ADAMTS3: variants seen among roughly 807,000 people sequenced by gnomAD.
The protein encoded by ADAMTS3 is A disintegrin and metalloproteinase with thrombospondin motifs 3.
A neutral mutation model predicts 129.0 loss-of-function variants in ADAMTS3; 73 were observed. That is an observed-to-expected ratio of 0.57 (90% CI 0.47 to 0.69). The LOEUF is 0.69. Among genes scored for constraint, ADAMTS3 ranks in the 30% least tolerant of loss-of-function variants. ADAMTS3 has a pLI of 0.00. For missense variants in ADAMTS3, 1,457 were observed against 1,514.5 expected, an observed-to-expected ratio of 0.96 and a Z score of 0.63; for synonymous variants, 477 against 510.8, an observed-to-expected ratio of 0.93 and a Z score of 0.89.
At chr4:72,383,017 A>T (rs886093639) in intron 4 of ADAMTS3, among the ~76,000 whole-genome samples, 3 of 152,154 alleles carry the variant, frequency 2.0e-5, no homozygotes, top group Non-Finnish European at 4.4e-5. Context: ...GCACCCCCTG[A>T]ATTTATAATA....
intron 3 of ADAMTS3, 36 bp downstream of exon 3, chr4:72,548,442 C>T (rs1205891194): frequency 1.3e-6 from 2 of 1,594,308 alleles, no homozygotes; most frequent in East Asian, 2.2e-5. Context: ...ACTCCCAGCA[C>T]CTGCAAACAT....
intron 3 of ADAMTS3, among the ~76,000 whole-genome samples, chr4:72,487,122 G>A: frequency 6.6e-6 from 1 of 152,074 alleles, no homozygotes; most frequent in Non-Finnish European, 1.5e-5. Context: ...GCCAAAGGTT[G>A]TTGTAGAAGA....
intron 4 of ADAMTS3, among the ~76,000 whole-genome samples, chr4:72,391,265 A>T (rs1477183456): frequency 6.6e-6 from 1 of 152,210 alleles, no homozygotes; most frequent in African/African-American, 2.4e-5. Context: ...TAAAATACTA[A>T]ACATATTTAC....
At chr4:72,468,698 C>G (rs1044909086) in intron 3 of ADAMTS3, among the ~76,000 whole-genome samples, 1 of 151,564 alleles carries the variant, frequency 6.6e-6, no homozygotes, top group African/African-American at 2.4e-5. Flanking sequence ...AACATTGCAT[C>G]AAACACATCA....
intron 3 of ADAMTS3, among the ~76,000 whole-genome samples, chr4:72,480,401 T>A (rs1207931760): frequency 6.6e-6 from 1 of 152,126 alleles, no homozygotes; most frequent in Non-Finnish European, 1.5e-5. Flanking sequence ...TGTAGGGACA[T>A]GGATGAAATT....
intron 3 of ADAMTS3, among the ~76,000 whole-genome samples, chr4:72,435,600 T>C (rs891339701): frequency 4.0e-5 from 6 of 151,852 alleles, no homozygotes; most frequent in Non-Finnish European, 8.8e-5. Context: ...AATCCTTTAA[T>C]TGACTGTCGA....
intron 4 of ADAMTS3, among the ~76,000 whole-genome samples, chr4:72,394,733 A>G (rs1210136935): frequency 1.3e-5 from 2 of 152,224 alleles, no homozygotes; most frequent in Non-Finnish European, 2.9e-5. Flanking sequence ...AAACTGAACT[A>G]GTAAATACCA....
At chr4:72,284,444 CAAAA>C (rs11292771) in intron 21 of ADAMTS3, among the ~76,000 whole-genome samples, 2 of 123,538 alleles carry the variant, frequency 1.6e-5, no homozygotes, top group Non-Finnish European at 1.7e-5. Flanking sequence ...GACTCTGTCT[CAAAA>C]AAAAAAAAAA....
chr4:72,533,627 A>C (rs1721104226), intron 3 of ADAMTS3, among the ~76,000 whole-genome samples: 1 of 152,066 alleles, frequency 6.6e-6, no homozygotes. Context: ...ATATACATAT[A>C]TATGTATATG....
intron 12 of ADAMTS3, among the ~76,000 whole-genome samples, chr4:72,313,290 T>C (rs1285251890): frequency 6.6e-6 from 1 of 152,132 alleles, no homozygotes; most frequent in African/African-American, 2.4e-5. Context: ...GCAATCACAT[T>C]CCACTCCCTG....
chr4:72,530,440 A>G (rs1720982739), intron 3 of ADAMTS3, among the ~76,000 whole-genome samples: 2 of 71,536 alleles, frequency 2.8e-5, no homozygotes, highest in Non-Finnish European at 4.7e-5. Context: ...ATATATGTTA[A>G]TTTAATATAT....
At chr4:72,412,771 T>C (rs1429326179) in intron 4 of ADAMTS3, among the ~76,000 whole-genome samples, 2 of 152,054 alleles carry the variant, frequency 1.3e-5, no homozygotes, top group Non-Finnish European at 2.9e-5. Context: ...CTCTGACCCA[T>C]GACCATTGAA....
intron 3 of ADAMTS3, among the ~76,000 whole-genome samples, chr4:72,448,018 T>C (rs187758324): frequency 6.6e-6 from 1 of 151,858 alleles, no homozygotes; most frequent in African/African-American, 2.4e-5. Context: ...GGGACCTCTC[T>C]GTTTTTATCT....
chr4:72,337,700 A>G (rs1013781910), intron 5 of ADAMTS3, among the ~76,000 whole-genome samples: 4 of 152,138 alleles, frequency 2.6e-5, no homozygotes, highest in Non-Finnish European at 4.4e-5. Flanking sequence ...TTGGATAACT[A>G]TGGTCACATC....
intron 3 of ADAMTS3, among the ~76,000 whole-genome samples, chr4:72,497,025 C>G (rs185549024): frequency 2.0e-5 from 3 of 151,906 alleles, no homozygotes; most frequent in Non-Finnish European, 4.4e-5. Context: ...ATTCCAGGTC[C>G]CCCCTTTGGA....
intron 3 of ADAMTS3, among the ~76,000 whole-genome samples, chr4:72,456,090 TTA>T (rs374620679): frequency 0.035 from 368 of 10,404 alleles, 104 homozygotes; most frequent in African/African-American, 0.095. Context: ...TATATATATT[TTA>T]TATATATAGT....
intron 3 of ADAMTS3, among the ~76,000 whole-genome samples, chr4:72,500,099 G>T (rs549422097): frequency 2.0e-5 from 3 of 152,210 alleles, no homozygotes; most frequent in African/African-American, 7.2e-5. Flanking sequence ...AAGTGCATGT[G>T]TCTTCTTGGT....
intron 3 of ADAMTS3, among the ~76,000 whole-genome samples, chr4:72,474,476 A>T (rs1333808024): frequency 1.3e-5 from 2 of 152,172 alleles, no homozygotes; most frequent in African/African-American, 4.8e-5. Flanking sequence ...GAATCAGTAA[A>T]CTGGAAAGCA....
intron 3 of ADAMTS3, among the ~76,000 whole-genome samples, chr4:72,489,785 T>C (rs775143073): frequency 6.6e-6 from 1 of 151,930 alleles, no homozygotes; most frequent in East Asian, 1.9e-4. Context: ...GGAAAAAATA[T>C]AGTATATATA....
Sources: gnomAD v4.1 joint callset for allele counts (sites outside exome capture counted in the v4.1 genomes callset) on GRCh38, gnomAD v4.1.1 for gene constraint, MANE v1.5 for transcripts, NCBI Gene and HGNC (gene_info 2026-07-23, HGNC 2026-07-21) for gene names.